Variants in SMIM43 observed in about 807,000 individuals in gnomAD.
SMIM43 encodes Nodal Enhanced MEsendoderm Peptide.
At chr4:121,764,507 A>G (rs1726244263) in intron 1 of SMIM43, 1 of 165,386 alleles carries the variant, frequency 6.0e-6, no homozygotes, top group South Asian at 2.0e-4. Context: ...GAAAGTGGCT[A>G]AACTGCATTA....
chr4:121,759,356 A>T lies in SMIM43; in HGVS notation c.*1618T>A, dbSNP rs1437192582. ...GTGAAGACCAGGGGATACCAAGCCC[A>T]TGACTGACCCACACCTCTCCCAGCT... On this transcript the variant is annotated 3_prime_UTR_variant, in exon 6 of 6. Coordinates refer to ENST00000643802, the MANE Select transcript of SMIM43 (RefSeq NM_001384332.1). The T allele has an allele frequency of 6.6e-6, 1 of 152,264 alleles. No homozygotes were observed. The highest frequency in any genetic ancestry group is 2.4e-5 in the African/African-American group (1 of 41,472). The allele number at this position is 152,264 out of a possible 1,614,324, so 9.4% of individuals were successfully genotyped here.
chr4:121,761,405 T>C (rs1189792066), intron 5 of SMIM43, 133 bp downstream of exon 5: 16 of 774,878 alleles, frequency 2.1e-5, no homozygotes, highest in Admixed American at 3.1e-5. Context: ...TTCTAAATGG[T>C]TTAACCATTT....
In SMIM43 at chr4:121,759,406, T is replaced by A. The variant is rs1428928381; in HGVS notation, c.*1568A>T. On this transcript the variant is annotated 3_prime_UTR_variant, in exon 6 of 6. Transcript: ENST00000643802. ...TGGTTCTACAACACAAGAAAGAGAA[T>A]AAAGTATACCGTGCTATCTAACACA... The A allele has an allele frequency of 6.6e-6, 1 of 152,206 alleles. No homozygotes were observed. The highest frequency in any genetic ancestry group is 1.5e-5 in the Non-Finnish European group (1 of 68,032). 9.4% of individuals were successfully genotyped at this position (152,206 alleles called of 1,614,324 possible). A position where few individuals can be genotyped will look rare whatever the true frequency, so the allele number is the denominator to read the frequency against.
chr4:121,761,645 A>T lies in SMIM43; in HGVS notation c.*392T>A. On this transcript the variant is annotated 3_prime_UTR_variant, in exon 5 of 6. Transcript: ENST00000643802. ...ACACTCTGGGTAAATTTTCTCTCTTATTCTGTAGAATCGCACCAGATGGCA... is the reference window on the plus strand; with the variant it reads ...ACACTCTGGGTAAATTTTCTCTCTTTTTCTGTAGAATCGCACCAGATGGCA... 5 of 1,613,844 alleles carry T rather than the reference A, an allele frequency of 3.1e-6. No individual in the cohort carries two copies. The highest frequency in any genetic ancestry group is 3.4e-6 in the Non-Finnish European group (4 of 1,179,912).
Position 121,765,078 on chromosome 4 carries a change from A to G in SMIM43, c.28T>C (p.Tyr10His). The change falls in exon 1 of 6, where the codon TAC (tyrosine) becomes CAC (histidine). Residue 10 changes from tyrosine to histidine, a missense_variant. By Grantham distance (83) the Tyr-to-His change is moderately conservative. Coordinates refer to ENST00000643802, the MANE Select transcript of SMIM43 (RefSeq NM_001384332.1). ...AGCAGGAAGAAGAAGAGCGCCAGGT[A>G]GAGCAGCAAGTTGAGTTCCCACTCC... The part of the protein sequence containing the change: MEWELNLLL[Y>H]LALFFFLLFL... 1 of 398,210 alleles carries G rather than the reference A, an allele frequency of 2.5e-6. No individual in the cohort carries two copies. The allele number at this position is 398,210 out of a possible 1,614,324, so 24.7% of individuals were successfully genotyped here.
rs542850307 is a variant in SMIM43, at chr4:121,763,815, C to G, written c.*155G>C. On this transcript the variant is annotated 3_prime_UTR_variant, in exon 2 of 6. Coordinates refer to ENST00000643802, the MANE Select transcript of SMIM43 (RefSeq NM_001384332.1). ...TTGTTCCAGCCTTCTTTTTGCAGGC[C>G]CAAACTGTCATTGCAGCTGTGGTCC... 6.6e-6 allele frequency: 1 copy of G among 152,166 alleles called. No individual in the cohort carries two copies. Among genetic ancestry groups the G allele is most frequent in the African/African-American group, 2.4e-5 (1 of 41,410 alleles). 9.4% of individuals were successfully genotyped at this position (152,166 alleles called of 1,614,324 possible). A position where few individuals can be genotyped will look rare whatever the true frequency, so the allele number is the denominator to read the frequency against.
intron 1 of SMIM43, 196 bp downstream of exon 1, chr4:121,764,621 C>G (rs1375326294): frequency 6.0e-6 from 2 of 330,744 alleles, no homozygotes; most frequent in African/African-American, 2.1e-5. Flanking sequence ...AGGGCGAATT[C>G]TCTTTTCGCC....
Position 121,759,201 on chromosome 4 carries a change from C to T in SMIM43, c.*1773G>A, listed in dbSNP as rs1289077758. 2.0e-5 allele frequency: 3 copies of T among 152,136 alleles called. No individual in the cohort carries two copies. In the East Asian group the frequency reaches 5.8e-4, roughly 29 times the overall value. 9.4% of individuals were successfully genotyped at this position (152,136 alleles called of 1,614,324 possible). ...CTAAAATCAGTCACAGGAACTATTC[C>T]CAGGAGGTCATCCATTCACTATACA... On this transcript the variant is annotated 3_prime_UTR_variant, in exon 6 of 6. Coordinates refer to ENST00000643802, the MANE Select transcript of SMIM43 (RefSeq NM_001384332.1).
Position 121,760,097 on chromosome 4 carries a change from G to T in SMIM43, c.*877C>A, listed in dbSNP as rs968857683. ...CACTCTGTCAGAGGGGAGCAGTGCT[G>T]CTTGGAGCTTTGACAGTTGTGAAGG... On this transcript the variant is annotated 3_prime_UTR_variant, in exon 6 of 6. Transcript: ENST00000643802. 6.7e-6 allele frequency: 5 copies of T among 748,370 alleles called. No individual in the cohort carries two copies. In the African/African-American group the frequency reaches 8.9e-5, roughly 13 times the overall value. The allele number at this position is 748,370 out of a possible 1,614,324, so 46.4% of individuals were successfully genotyped here. A position where few individuals can be genotyped will look rare whatever the true frequency, so the allele number is the denominator to read the frequency against.
rs540430002 is a variant in SMIM43, at chr4:121,761,980, T to C, written c.*279-88A>G. On this transcript the variant is annotated intron_variant, in intron 3 of 5. Coordinates refer to ENST00000643802, the MANE Select transcript of SMIM43 (RefSeq NM_001384332.1). ...AGAATTATGGCTCATTTCCTTATAA[T>C]GTAAGAAATTCAAGTCACCTTCTAA... The C allele has an allele frequency of 4.3e-5, 50 of 1,175,456 alleles. No homozygotes were observed. In the African/African-American group the frequency reaches 6.7e-4, roughly 16 times the overall value. 72.8% of individuals were successfully genotyped at this position (1,175,456 alleles called of 1,614,324 possible). A position where few individuals can be genotyped will look rare whatever the true frequency, so the allele number is the denominator to read the frequency against.
Position 121,761,590 on chromosome 4 carries a change from T to C in SMIM43, c.*447A>G. ...CGAACCAAAAACAAATCCTGGCACCTTGCCATTCCCAGAAAAGCCAGTGCA... is the reference window on the plus strand; with the variant it reads ...CGAACCAAAAACAAATCCTGGCACCCTGCCATTCCCAGAAAAGCCAGTGCA... On this transcript the variant is annotated 3_prime_UTR_variant, in exon 5 of 6. Transcript: ENST00000643802. The C allele has an allele frequency of 6.2e-7, 1 of 1,613,632 alleles. No homozygotes were observed. Among genetic ancestry groups the C allele is most frequent in the African/African-American group, 1.3e-5 (1 of 75,064 alleles).
chr4:121,760,779 C>T (rs953033767), intron 5 of SMIM43, among the ~76,000 whole-genome samples: 2 of 152,128 alleles, frequency 1.3e-5, no homozygotes, highest in South Asian at 4.1e-4. Context: ...ACTAATAAAA[C>T]AAAAGTCGCA....
intron 1 of SMIM43, 60 bp downstream of exon 1, chr4:121,764,757 A>C (rs1015590167): frequency 5.1e-6 from 2 of 394,582 alleles, no homozygotes; most frequent in Non-Finnish European, 8.9e-6. Context: ...ACAGGAGCGG[A>C]GACGCGGGTC....
rs764378025 is a variant in SMIM43, at chr4:121,761,525, A to AT, written c.*499+12dup. ...TCAAACTAAAAATAGAGTATTTCAT[A>AT]TTTTTTACTCACCTAGTTCCAAGTT... On this transcript the variant is annotated intron_variant, in intron 5 of 5. Coordinates refer to ENST00000643802, the MANE Select transcript of SMIM43 (RefSeq NM_001384332.1). 43 of 1,570,980 alleles carry AT rather than the reference A, an allele frequency of 2.7e-5. No individual in the cohort carries two copies. The highest frequency in any genetic ancestry group is 3.6e-5 in the Non-Finnish European group (42 of 1,160,938).
At chr4:121,763,356 A>G (rs942008685) in intron 2 of SMIM43, among the ~76,000 whole-genome samples, 10 of 152,324 alleles carry the variant, frequency 6.6e-5, no homozygotes, top group Admixed American at 1.3e-4. Flanking sequence ...TGTGTCTAAA[A>G]TTAGTATTTT....
chr4:121,761,784 A>T (rs1481889667), intron 4 of SMIM43, 46 bp downstream of exon 4: 1 of 1,610,964 alleles, frequency 6.2e-7, no homozygotes, highest in Non-Finnish European at 8.5e-7. Context: ...CATTCAACTT[A>T]AAATGGTTAT....
rs1410234872 is a variant in SMIM43 at position 121,760,098 on chromosome 4, C to T, written c.*876G>A. On this transcript the variant is annotated 3_prime_UTR_variant, in exon 6 of 6. Coordinates refer to ENST00000643802, the MANE Select transcript of SMIM43 (RefSeq NM_001384332.1). The stretch of plus-strand genomic sequence containing the variant: ...ACTCTGTCAGAGGGGAGCAGTGCTG[C>T]TTGGAGCTTTGACAGTTGTGAAGGA... 2.6e-6 allele frequency: 2 copies of T among 758,254 alleles called. No individual in the cohort carries two copies. The highest frequency in any genetic ancestry group is 3.9e-6 in the Non-Finnish European group (2 of 507,522). The allele number at this position is 758,254 out of a possible 1,614,324, so 47.0% of individuals were successfully genotyped here. A position where few individuals can be genotyped will look rare whatever the true frequency, so the allele number is the denominator to read the frequency against.
At position 121,759,570 on chromosome 4, in the gene SMIM43, C is replaced by A. The variant is rs545488005; in HGVS notation, c.*1404G>T. On this transcript the variant is annotated 3_prime_UTR_variant, in exon 6 of 6. Transcript: ENST00000643802. Reference sequence around the variant, plus strand: ...GTGCCTATATGGTTACCATATTGGACACTGCAGATATAGAACATTTCTGTC... The same window carrying A: ...GTGCCTATATGGTTACCATATTGGAAACTGCAGATATAGAACATTTCTGTC... 3 of 152,316 alleles carry A rather than the reference C, an allele frequency of 2.0e-5. No homozygotes were observed. The East Asian group carries it at 5.8e-4, about 29-fold the overall frequency. The allele number at this position is 152,316 out of a possible 1,614,324, so 9.4% of individuals were successfully genotyped here. A position where few individuals can be genotyped will look rare whatever the true frequency, so the allele number is the denominator to read the frequency against.
chr4:121,763,696 G>C (rs1726190121), intron 2 of SMIM43, 68 bp downstream of exon 2: 1 of 152,058 alleles, frequency 6.6e-6, no homozygotes, highest in African/African-American at 2.4e-5. Context: ...CATGTTTTTA[G>C]GCCCTGGATC....
Sources: allele counts gnomAD v4.1 joint callset (sites outside exome capture counted in the v4.1 genomes callset), GRCh38; gene constraint gnomAD v4.1.1; transcripts MANE v1.5; gene names NCBI Gene and HGNC (gene_info 2026-07-23, HGNC 2026-07-21).